The following STK32A variants were observed in gnomAD, a reference collection of about 807,000 sequenced individuals.
STK32A encodes serine/threonine-protein kinase 32A.
A neutral mutation model predicts 53.2 loss-of-function variants in STK32A; 41 were observed. The observed-to-expected ratio is 0.77, with a 90% CI of 0.60 to 1.00. STK32A has a LOEUF of 1.00. STK32A is among the 50% of genes least tolerant of loss of function. The probability of loss-of-function intolerance (pLI) is 0.00; values close to 1 mark genes in which losing one functional copy is unlikely to be tolerated. For synonymous variants in STK32A, 166 were observed against 162.8 expected (o/e 1.02, Z -0.15); for missense variants, 458 against 485.8 (o/e 0.94, Z 0.54).
At chr5:147,381,653 A>AC (rs1757458701) in intron 11 of STK32A, among the ~76,000 whole-genome samples, 1 of 151,936 alleles carries the variant, frequency 6.6e-6, no homozygotes, top group South Asian at 2.1e-4. Flanking sequence ...AAAAAAAAAA[A>AC]AAGGAAAGTT....
intron 1 of STK32A, among the ~76,000 whole-genome samples, 165 bp downstream of exon 1, chr5:147,235,364 C>G (rs79191765): frequency 6.6e-6 from 1 of 152,254 alleles, no homozygotes; most frequent in East Asian, 1.9e-4. Flanking sequence ...TTTTGCACTC[C>G]ATCCAGGTTC....
intron 7 of STK32A, among the ~76,000 whole-genome samples, chr5:147,360,620 G>T (rs763688768): frequency 1.6e-4 from 24 of 152,194 alleles, no homozygotes; most frequent in Non-Finnish European, 3.2e-4. Context: ...AGAGAGCACA[G>T]CTCCAGAGCT....
At chr5:147,354,960 C>T (rs10155535) in intron 7 of STK32A, among the ~76,000 whole-genome samples, 3,437 of 152,202 alleles carry the variant, frequency 0.023, 122 homozygotes, top group African/African-American at 0.078. Flanking sequence ...CTTTCCCAGA[C>T]GTATTGTGGG....
chr5:147,373,886 G>A (rs548916757), intron 10 of STK32A, among the ~76,000 whole-genome samples: 1 of 152,274 alleles, frequency 6.6e-6, no homozygotes, highest in South Asian at 2.1e-4. Flanking sequence ...TTAGGCCAAA[G>A]GTCCCAAGTG....
In STK32A at chr5:147,264,228, C is replaced by A. The variant is rs1289448747; in HGVS notation, c.53-13896C>A. Among the ~76,000 whole-genome samples the A allele has an allele frequency of 2.6e-5, 4 of 152,152 alleles. No homozygotes were observed. In the East Asian group the frequency reaches 5.8e-4, roughly 22 times the overall value. On this transcript the variant is annotated intron_variant, in intron 2 of 12. Coordinates refer to ENST00000397936, the MANE Select transcript of STK32A (RefSeq NM_001112724.2). ...ACAAGAAAGAAGGGGGCACTGCATG[C>A]AAGAGCCAGGAATCTATCCTTAAAG...
chr5:147,244,047 C>T (rs1753688261), intron 2 of STK32A, among the ~76,000 whole-genome samples: 1 of 137,168 alleles, frequency 7.3e-6, no homozygotes, highest in African/African-American at 2.7e-5. Context: ...CACATTCCAT[C>T]CCCTCCCCAG....
chr5:147,257,540 A>C (rs1754288451), intron 2 of STK32A, among the ~76,000 whole-genome samples: 1 of 152,176 alleles, frequency 6.6e-6, no homozygotes, highest in African/African-American at 2.4e-5. Flanking sequence ...AAAGAGAGTT[A>C]AATTTTTCTT....
chr5:147,279,767 T>C (rs1188987680), intron 4 of STK32A, among the ~76,000 whole-genome samples: 1 of 152,166 alleles, frequency 6.6e-6, no homozygotes, highest in East Asian at 1.9e-4. Flanking sequence ...ATATGAATGT[T>C]CCTGGAACTG....
chr5:147,293,468 T>C (rs1381391812), intron 4 of STK32A, among the ~76,000 whole-genome samples: 1 of 112,516 alleles, frequency 8.9e-6, no homozygotes, highest in African/African-American at 3.9e-5. Flanking sequence ...ATCTGAAAAG[T>C]TATTTCGAGG....
chr5:147,352,853 G>A (rs1756048467), intron 7 of STK32A, among the ~76,000 whole-genome samples: 2 of 152,094 alleles, frequency 1.3e-5, no homozygotes, highest in South Asian at 4.2e-4. Flanking sequence ...GGAGAAGGGA[G>A]GTGGATTAGC....
Position 147,278,054 on chromosome 5 carries a change from C to A in STK32A, c.53-70C>A, listed in dbSNP as rs1751849559. 5 of 1,331,100 alleles carry A rather than the reference C, an allele frequency of 3.8e-6. No homozygotes were observed. The Admixed American group carries it at 8.0e-5, about 21-fold the overall frequency. The allele number at this position is 1,331,100 out of a possible 1,614,324, so 82.5% of individuals were successfully genotyped here. ...ACAAGATACTTCAGTTTAGTCCAAT[C>A]TTTATTATTTATTAGCTACTAAAGA... On this transcript the variant is annotated intron_variant, in intron 2 of 12. Coordinates refer to ENST00000397936, the MANE Select transcript of STK32A (RefSeq NM_001112724.2).
In STK32A at chr5:147,263,620, T is replaced by A. The variant is rs35206295; in HGVS notation, c.53-14504T>A. ...TTTGGGAAAAAAATTACAGCATGAA[T>A]GGAAAAATCCAAAGAAGATTTAGAA... On this transcript the variant is annotated intron_variant, in intron 2 of 12. Coordinates refer to ENST00000397936, the MANE Select transcript of STK32A (RefSeq NM_001112724.2). 5.4e-3 allele frequency among the ~76,000 whole-genome samples: 827 copies of A among 152,028 alleles called. 3 individuals are homozygous for A. Among genetic ancestry groups the A allele is most frequent in the African/African-American group, 0.018 (767 of 41,482 alleles).
rs148772640 is a variant in STK32A, at chr5:147,365,632, T to A, written c.660+4018T>A. Among the ~76,000 whole-genome samples, 6 of 152,226 alleles carry A rather than the reference T, an allele frequency of 3.9e-5. No homozygotes were observed. The East Asian group carries it at 1.2e-3, about 29-fold the overall frequency. On this transcript the variant is annotated intron_variant, in intron 8 of 12. Transcript: ENST00000397936. ...GCTCTTTCCCACTTCACCCTTAATT[T>A]TTTTCTCCCCAGCCAATTTACTCAC...
intron 4 of STK32A, among the ~76,000 whole-genome samples, chr5:147,282,581 G>C (rs1464343385): frequency 6.6e-6 from 1 of 152,076 alleles, no homozygotes; most frequent in Non-Finnish European, 1.5e-5. Flanking sequence ...TAAACATAAA[G>C]TAAAGGTGTG....
downstream of STK32A, among the ~76,000 whole-genome samples, chr5:147,389,741 C>T (rs2895681): frequency 0.013 from 2,005 of 152,126 alleles, 145 homozygotes; most frequent in East Asian, 0.2. Context: ...TGTGGTGGCG[C>T]GTGCCTGTAG....
chr5:147,244,792 T>C (rs1753714660), intron 2 of STK32A, among the ~76,000 whole-genome samples: 2 of 152,198 alleles, frequency 1.3e-5, no homozygotes, highest in Admixed American at 1.3e-4. Flanking sequence ...AGGTAATAAT[T>C]GGGCATACTT....
chr5:147,309,584 C>T (rs1030338093), intron 4 of STK32A, among the ~76,000 whole-genome samples: 1 of 152,062 alleles, frequency 6.6e-6, no homozygotes, highest in Middle Eastern at 3.2e-3. Context: ...CTCACTGTGA[C>T]TAAGTTTGAT....
chr5:147,246,645 C>T (rs1753774652), intron 2 of STK32A, among the ~76,000 whole-genome samples: 1 of 152,112 alleles, frequency 6.6e-6, no homozygotes, highest in African/African-American at 2.4e-5. Context: ...CTGTTGGAAA[C>T]ATCTTTCCAT....
At chr5:147,399,616 G>C in the STK32A span, among the ~76,000 whole-genome samples, 1 of 152,162 alleles carries the variant, frequency 6.6e-6, no homozygotes, top group African/African-American at 2.4e-5. Flanking sequence ...ATGTATTTGT[G>C]TTTGCATATG....
Sources: gnomAD v4.1 joint callset for allele counts (sites outside exome capture counted in the v4.1 genomes callset) on GRCh38, gnomAD v4.1.1 for gene constraint, MANE v1.5 for transcripts, NCBI Gene and HGNC (gene_info 2026-07-23, HGNC 2026-07-21) for gene names.